Variants in SYN2 observed in about 807,000 individuals in gnomAD.
SYN2 encodes synapsin-2.
Under a neutral mutation model 50.9 loss-of-function variants are expected in SYN2, and 19 were observed. The observed-to-expected ratio is 0.37, with a 90% confidence interval of 0.26 to 0.55. SYN2 has a LOEUF of 0.55. Ranked by LOEUF, SYN2 falls within the 20% of genes least tolerant of loss-of-function variation. SYN2 has a pLI of 0.81. For missense variants in SYN2, 587 were observed against 576.4 expected (o/e 1.02, Z -0.19); for synonymous variants, 255 against 224.9 (o/e 1.13, Z -1.20).
chr3:12,045,261 G>A (rs1694709578), intron 1 of SYN2, among the ~76,000 whole-genome samples: 2 of 152,126 alleles, frequency 1.3e-5, no homozygotes, highest in Admixed American at 1.3e-4. Flanking sequence ...TGACTGAGAT[G>A]TGATTATAAT....
chr3:12,036,320 G>A (rs779152038), intron 1 of SYN2, among the ~76,000 whole-genome samples: 8 of 152,130 alleles, frequency 5.3e-5, no homozygotes, highest in South Asian at 2.1e-4. Context: ...AAGTCTCTGC[G>A]TTGGCCCCCA....
At chr3:12,045,668 C>T (rs2125151876) in intron 1 of SYN2, among the ~76,000 whole-genome samples, 1 of 152,252 alleles carries the variant, frequency 6.6e-6, no homozygotes, top group East Asian at 1.9e-4. Context: ...TTTGCACATA[C>T]CCTGCATTGT....
intron 1 of SYN2, among the ~76,000 whole-genome samples, chr3:12,117,341 T>TTTACG (rs1696457172): frequency 6.6e-6 from 1 of 152,196 alleles, no homozygotes; most frequent in African/African-American, 2.4e-5. Context: ...TCATTCAGCA[T>TTTACG]TTACGTTTTG....
At chr3:12,147,754 A>T (rs1212188827) in intron 4 of SYN2, among the ~76,000 whole-genome samples, 1 of 152,152 alleles carries the variant, frequency 6.6e-6, no homozygotes, top group Admixed American at 6.5e-5. Flanking sequence ...AACTGGGAAT[A>T]ATAGTAGCAC....
intron 1 of SYN2, among the ~76,000 whole-genome samples, chr3:12,093,187 T>C (rs1413391576): frequency 6.6e-6 from 1 of 152,246 alleles, no homozygotes; most frequent in African/African-American, 2.4e-5. Context: ...TCACATTTTT[T>C]GTTATAAAAA....
intron 1 of SYN2, among the ~76,000 whole-genome samples, chr3:12,088,816 G>A (rs1462486158): frequency 1.3e-5 from 2 of 152,140 alleles, no homozygotes; most frequent in African/African-American, 2.4e-5. Context: ...TCACTTTTAT[G>A]TGGAATCTTA....
At chr3:12,163,241 C>CA (rs11404808) in intron 7 of SYN2, among the ~76,000 whole-genome samples, 92,510 of 122,510 alleles carry the variant, frequency 0.76, 36,677 homozygotes, top group South Asian at 0.91. Context: ...GACTCTGTCT[C>CA]AAAAAAAAAA....
intron 11 of SYN2, chr3:12,184,593 G>A: frequency 3.0e-6 from 3 of 985,872 alleles, no homozygotes; most frequent in Non-Finnish European, 3.6e-6. Context: ...AGCCCTCCAG[G>A]GTCCAAAGAT....
chr3:12,025,224 C>G (rs1191698912), intron 1 of SYN2, among the ~76,000 whole-genome samples: 1 of 152,132 alleles, frequency 6.6e-6, no homozygotes, highest in Non-Finnish European at 1.5e-5. Flanking sequence ...CCCAAAGGTT[C>G]CACCTCCAAA....
intron 1 of SYN2, among the ~76,000 whole-genome samples, chr3:12,125,853 A>C (rs1279529033): frequency 6.6e-6 from 1 of 151,738 alleles, no homozygotes; most frequent in Non-Finnish European, 1.5e-5. Context: ...AAAAAAAAAA[A>C]AAAACCCACA....
chr3:12,070,173 C>T (rs1300288299), intron 1 of SYN2: 3 of 340,168 alleles, frequency 8.8e-6, no homozygotes, highest in South Asian at 2.5e-5. Flanking sequence ...GCCGCCAGCC[C>T]GTGCACCATG....
At chr3:12,095,943 C>T (rs892399188) in intron 1 of SYN2, among the ~76,000 whole-genome samples, 9 of 152,176 alleles carry the variant, frequency 5.9e-5, no homozygotes, top group South Asian at 2.1e-4. Flanking sequence ...TTCTTATGTA[C>T]GCATCCAAAA....
intron 1 of SYN2, among the ~76,000 whole-genome samples, chr3:12,095,059 A>G (rs1695901352): frequency 6.6e-6 from 1 of 152,196 alleles, no homozygotes; most frequent in African/African-American, 2.4e-5. Context: ...TAAGTTCTGA[A>G]GAACTTCAAC....
intron 1 of SYN2, among the ~76,000 whole-genome samples, chr3:12,023,215 C>T (rs1042407884): frequency 4.0e-5 from 6 of 151,856 alleles, no homozygotes; most frequent in Non-Finnish European, 7.4e-5. Flanking sequence ...AAAAAAAAAT[C>T]ATTGTCATCA....
chr3:12,019,280 G>A (rs1026369213), intron 1 of SYN2, among the ~76,000 whole-genome samples: 1 of 152,148 alleles, frequency 6.6e-6, no homozygotes, highest in Non-Finnish European at 1.5e-5. Flanking sequence ...AATTGTTGTT[G>A]GCATCCCTAT....
intron 1 of SYN2, among the ~76,000 whole-genome samples, chr3:12,132,921 G>A (rs1386483666): frequency 1.3e-5 from 2 of 152,126 alleles, no homozygotes; most frequent in Non-Finnish European, 2.9e-5. Context: ...GAGCATTCCA[G>A]TTCATGATCC....
intron 1 of SYN2, chr3:12,071,291 TC>T: frequency 1.8e-6 from 1 of 563,050 alleles, no homozygotes; most frequent in South Asian, 1.5e-5. Flanking sequence ...CTGTCCATCT[TC>T]CAGCAGATGT....
chr3:12,013,144 A>C (rs910806945), intron 1 of SYN2, among the ~76,000 whole-genome samples: 1 of 152,152 alleles, frequency 6.6e-6, no homozygotes, highest in Non-Finnish European at 1.5e-5. Context: ...ATTTTTAAAT[A>C]GTTTTGTAAA....
chr3:12,113,580 C>T (rs1696370441), intron 1 of SYN2, among the ~76,000 whole-genome samples: 2 of 152,082 alleles, frequency 1.3e-5, no homozygotes, highest in Non-Finnish European at 2.9e-5. Context: ...TCTCATCGCC[C>T]CAAAAGGAAA....
Sources: gnomAD v4.1 joint callset for allele counts (sites outside exome capture counted in the v4.1 genomes callset) on GRCh38, gnomAD v4.1.1 for gene constraint, MANE v1.5 for transcripts, NCBI Gene and HGNC (gene_info 2026-07-23, HGNC 2026-07-21) for gene names.